Variants in TSHZ2 observed in about 807,000 individuals in gnomAD.
The protein encoded by TSHZ2 is teashirt zinc finger homeobox 2.
A neutral mutation model predicts 74.4 loss-of-function variants in TSHZ2; 21 were observed. The observed-to-expected ratio is 0.28, with a 90% CI of 0.20 to 0.41. The LOEUF is 0.41. Ranked by LOEUF, TSHZ2 falls within the 10% of genes least tolerant of loss-of-function variation. TSHZ2 has a pLI of 1.00. For synonymous variants in TSHZ2, 540 were observed against 515.3 expected, an observed-to-expected ratio of 1.05 and a Z score of -0.65; for missense variants, 1,244 against 1,293.5, an observed-to-expected ratio of 0.96 and a Z score of 0.59.
At chr20:53,284,210 A>G (rs1010851068) in intron 2 of TSHZ2, among the ~76,000 whole-genome samples, 2 of 152,138 alleles carry the variant, frequency 1.3e-5, no homozygotes, top group African/African-American at 4.8e-5. Flanking sequence ...TGAATGCTGG[A>G]CCGCCACCTC....
intron 1 of TSHZ2, among the ~76,000 whole-genome samples, chr20:52,999,485 A>C (rs1029820640): frequency 8.5e-5 from 13 of 152,256 alleles, no homozygotes; most frequent in African/African-American, 2.7e-4. Context: ...CCAGTGTGCG[A>C]TAGGTCTCCT....
intron 1 of TSHZ2, among the ~76,000 whole-genome samples, chr20:53,088,013 C>G (rs1045742194): frequency 3.9e-5 from 6 of 152,198 alleles, no homozygotes; most frequent in Admixed American, 3.9e-4. Context: ...TTTGCCCCCT[C>G]TTGGAAGCAT....
At chr20:53,204,255 G>A (rs531749833) in intron 1 of TSHZ2, among the ~76,000 whole-genome samples, 1 of 127,612 alleles carries the variant, frequency 7.8e-6, no homozygotes, top group Non-Finnish European at 1.6e-5. Flanking sequence ...ATCATCATAT[G>A]ATGATATGAT....
At chr20:53,085,210 A>G in intron 1 of TSHZ2, among the ~76,000 whole-genome samples, 1 of 151,960 alleles carries the variant, frequency 6.6e-6, no homozygotes, top group Admixed American at 6.6e-5. Context: ...TAAAAATACA[A>G]AAAAATCAGC....
At chr20:53,293,662 A>G (rs1306907057) in intron 2 of TSHZ2, among the ~76,000 whole-genome samples, 5 of 147,966 alleles carry the variant, frequency 3.4e-5, no homozygotes, top group Non-Finnish European at 4.4e-5. Context: ...CCAGGCATGT[A>G]CCCAGTGCTG....
chr20:53,332,380 C>A (rs916862263), intron 2 of TSHZ2, among the ~76,000 whole-genome samples: 3 of 151,990 alleles, frequency 2.0e-5, no homozygotes, highest in Admixed American at 2.0e-4. Context: ...TCCTGGGGTG[C>A]AACACAGCAT....
Position 53,138,391 on chromosome 20 carries a change from GAAAA to G in TSHZ2, c.41-115096_41-115093del, listed in dbSNP as rs72157952. On this transcript the variant is annotated intron_variant, in intron 1 of 2. Transcript: ENST00000371497. ...AGAGCAAGACTCTTGTCTCAAAAAA[GAAAA>G]AAAAAAAAAAACAATACTTCACATA... Among the ~76,000 whole-genome samples, 39 of 98,174 alleles carry G rather than the reference GAAAA, an allele frequency of 4.0e-4. No individual in the cohort carries two copies. The South Asian group carries it at 0.012, about 31-fold the overall frequency. The allele number at this position is 98,174 out of a possible 152,430, so 64.4% of individuals were successfully genotyped here. A position where few individuals can be genotyped will look rare whatever the true frequency, so the allele number is the denominator to read the frequency against.
rs536996747 is a variant in TSHZ2 at position 53,493,374 on chromosome 20, A to G, written c.*6239A>G. 2 of 152,338 alleles carry G rather than the reference A, an allele frequency of 1.3e-5. No homozygotes were observed. Among genetic ancestry groups the G allele is most frequent in the South Asian group, 4.1e-4 (2 of 4,830 alleles). 9.4% of individuals were successfully genotyped at this position (152,338 alleles called of 1,614,324 possible). On this transcript the variant is annotated 3_prime_UTR_variant, in exon 3 of 3. Coordinates refer to ENST00000371497, the MANE Select transcript of TSHZ2 (RefSeq NM_173485.6). ...GGGAGGAACCAACTTCCTAATTCAGAGTTTTCCTTTTAAAGGCATGCTTTA... is the reference window on the plus strand; with the variant it reads ...GGGAGGAACCAACTTCCTAATTCAGGGTTTTCCTTTTAAAGGCATGCTTTA...
At chr20:53,485,529 T>C (rs1476421063) in intron 2 of TSHZ2, among the ~76,000 whole-genome samples, 1 of 152,108 alleles carries the variant, frequency 6.6e-6, no homozygotes, top group African/African-American at 2.4e-5. Flanking sequence ...GCCAACATGG[T>C]GAAACCCTGT....
intron 2 of TSHZ2, among the ~76,000 whole-genome samples, chr20:53,434,769 T>C (rs920107691): frequency 2.6e-5 from 4 of 152,228 alleles, no homozygotes; most frequent in Admixed American, 2.0e-4. Flanking sequence ...TCTCTCAGGG[T>C]CTGCTGACAG....
intron 1 of TSHZ2, among the ~76,000 whole-genome samples, chr20:53,089,041 G>A (rs6097220): frequency 1.2e-3 from 180 of 152,050 alleles, no homozygotes; most frequent in African/African-American, 4.1e-3. Flanking sequence ...AAAGCTTTCC[G>A]TGGCTCATCT....
chr20:53,001,222 G>GTGTGTGTGTGTATA (rs1206845802), intron 1 of TSHZ2, among the ~76,000 whole-genome samples: 18 of 147,268 alleles, frequency 1.2e-4, no homozygotes, highest in African/African-American at 4.6e-4. Flanking sequence ...GTGTGTGTGT[G>GTGTGTGTGTGTATA]TGTGTGTGTG....
chr20:53,179,222 G>A (rs369838646), intron 1 of TSHZ2: 1 of 151,110 alleles, frequency 6.6e-6, no homozygotes, highest in African/African-American at 2.4e-5. Flanking sequence ...CATTTTCTTC[G>A]AAGTAATTCT....
intron 1 of TSHZ2, among the ~76,000 whole-genome samples, chr20:53,188,996 C>T (rs913085824): frequency 2.0e-5 from 3 of 152,158 alleles, no homozygotes; most frequent in Non-Finnish European, 2.9e-5. Context: ...ATTCTTTGCT[C>T]AAAAGCACAC....
intron 2 of TSHZ2, among the ~76,000 whole-genome samples, chr20:53,469,683 A>AGGAAGGAC (rs1555872454): frequency 6.0e-5 from 5 of 82,654 alleles, no homozygotes; most frequent in African/African-American, 9.5e-5. Flanking sequence ...GAAGGAAGGA[A>AGGAAGGAC]GGACGGACCC....
chr20:53,096,611 G>A (rs556873072), intron 1 of TSHZ2, among the ~76,000 whole-genome samples: 33 of 152,088 alleles, frequency 2.2e-4, no homozygotes, highest in South Asian at 8.3e-4. Flanking sequence ...GGCCAGGCGC[G>A]GTGGCTCACT....
intron 1 of TSHZ2, among the ~76,000 whole-genome samples, chr20:53,143,073 G>T (rs1289369328): frequency 6.6e-6 from 1 of 152,176 alleles, no homozygotes; most frequent in East Asian, 1.9e-4. Flanking sequence ...TTTTGTGTGT[G>T]TGTGAGTGCA....
intron 2 of TSHZ2, among the ~76,000 whole-genome samples, chr20:53,356,803 T>C (rs1233992750): frequency 6.6e-6 from 1 of 152,168 alleles, no homozygotes; most frequent in Admixed American, 6.5e-5. Context: ...ACTATTCAGC[T>C]TCCTGTTGTC....
At position 53,253,885 on chromosome 20, in the gene TSHZ2, C is replaced by T; in HGVS notation, c.427C>T (p.Leu143Phe). 5.0e-6 allele frequency: 8 copies of T among 1,614,224 alleles called. No homozygotes were observed. Among genetic ancestry groups the T allele is most frequent in the Non-Finnish European group, 6.8e-6 (8 of 1,180,046 alleles). The stretch of plus-strand genomic sequence containing the variant: ...GGATTCCTACTGGTCAGGCCTGGGC[C>T]TTGGCTTCAAGCTGTCCAATAGTGA... Reference protein sequence around the residue: ...LSDSYWSGLGLGFKLSNSERR... With the variant: ...LSDSYWSGLGFGFKLSNSERR... The change falls in exon 2 of 3, where the codon CTT becomes TTT. Residue 143 changes from leucine to phenylalanine, a missense_variant. Around this residue, in one of 6 missense-constraint regions of TSHZ2, gnomAD observed 470 missense variants for 456.5 expected, o/e 1.03. Transcript: ENST00000371497.
Sources: allele counts gnomAD v4.1 joint callset (sites outside exome capture counted in the v4.1 genomes callset), GRCh38; gene constraint gnomAD v4.1.1; regional missense constraint gnomAD v4.1.1; transcripts MANE v1.5; gene names NCBI Gene and HGNC (gene_info 2026-07-23, HGNC 2026-07-21).